Variants in PCDH9 observed in about 807,000 individuals in gnomAD.
PCDH9 encodes the protein protocadherin-9.
Under a neutral mutation model 70.6 loss-of-function variants are expected in PCDH9, and 24 were observed. That is an observed-to-expected ratio of 0.34 (90% CI 0.25 to 0.48). PCDH9 has a LOEUF of 0.48. Ranked by LOEUF, PCDH9 falls within the 20% of genes least tolerant of loss-of-function variation. PCDH9 has a pLI of 0.99. For missense variants in PCDH9, 1,281 were observed against 1,503.6 expected (o/e 0.85, Z 2.45); for synonymous variants, 562 against 558.5 (o/e 1.01, Z -0.09).
In PCDH9 at chr13:67,225,701, T is replaced by G; in HGVS notation, c.2740A>C (p.Ser914Arg). The change falls in exon 2 of 5, where the codon AGT becomes CGT. Residue 914 changes from serine to arginine, a missense_variant. By Grantham distance (110) the Ser-to-Arg change is moderately radical. Coordinates refer to ENST00000377865, the MANE Select transcript of PCDH9 (RefSeq NM_203487.3). ...GGGCCCCAGTCAAATCTTCCTATAC[T>G]TTGCTCCTCCAGTTCAGCCGGCAGG... ...ISLPAELEEQ[S>R]IGRFDWGPAP... 6.2e-7 allele frequency: 1 copy of G among 1,614,178 alleles called. No homozygotes were observed. Among genetic ancestry groups the G allele is most frequent in the Non-Finnish European group, 8.5e-7 (1 of 1,180,014 alleles).
chr13:67,040,628 G>C (rs2085094559), intron 2 of PCDH9, among the ~76,000 whole-genome samples: 1 of 152,054 alleles, frequency 6.6e-6, no homozygotes, highest in African/African-American at 2.4e-5. Flanking sequence ...TCGCTTATAA[G>C]CCACCAAGTT....
chr13:66,869,728 T>C (rs923162148), intron 3 of PCDH9, among the ~76,000 whole-genome samples: 3 of 152,132 alleles, frequency 2.0e-5, no homozygotes, highest in Admixed American at 6.6e-5. Flanking sequence ...CCACTTGAAT[T>C]TGAGAAACCT....
At chr13:66,548,334 G>C (rs867945429) in intron 4 of PCDH9, among the ~76,000 whole-genome samples, 8 of 152,074 alleles carry the variant, frequency 5.3e-5, no homozygotes, top group African/African-American at 1.9e-4. Context: ...GGAGGCCAAG[G>C]CGGGAGGATC....
At chr13:66,567,584 C>A (rs973560617) in intron 4 of PCDH9, among the ~76,000 whole-genome samples, 1 of 152,100 alleles carries the variant, frequency 6.6e-6, no homozygotes, top group African/African-American at 2.4e-5. Flanking sequence ...AATACAGAGA[C>A]CTCTTAAACA....
rs745716060 is a variant in PCDH9 at position 66,954,723 on chromosome 13, C to T, written c.3037-51118G>A. ...CCCTCTCACAGACCAAGAATAGGGG[C>T]CCTTGTCCTAAACTTGCTCTTCCTG... On this transcript the variant is annotated intron_variant, in intron 2 of 4. Transcript: ENST00000377865. 2.6e-5 allele frequency among the ~76,000 whole-genome samples: 4 copies of T among 152,106 alleles called. No individual in the cohort carries two copies. The East Asian group carries it at 7.7e-4, about 29-fold the overall frequency.
At chr13:66,383,318 T>C (rs978583223) in intron 4 of PCDH9, among the ~76,000 whole-genome samples, 1 of 152,200 alleles carries the variant, frequency 6.6e-6, no homozygotes, top group African/African-American at 2.4e-5. Context: ...TAACATTGGT[T>C]TTAAAGAACT....
intron 2 of PCDH9, among the ~76,000 whole-genome samples, chr13:67,008,371 T>C (rs999217321): frequency 6.6e-6 from 1 of 152,148 alleles, no homozygotes; most frequent in Admixed American, 6.6e-5. Context: ...GTACACAATC[T>C]ATAAAACTGT....
At chr13:66,975,134 C>T (rs1429664784) in intron 2 of PCDH9, among the ~76,000 whole-genome samples, 1 of 152,014 alleles carries the variant, frequency 6.6e-6, no homozygotes, top group Non-Finnish European at 1.5e-5. Flanking sequence ...TAGAAAGCAT[C>T]TCTGTCTATC....
chr13:67,094,460 TG>T (rs759257139), intron 2 of PCDH9, among the ~76,000 whole-genome samples: 1 of 152,220 alleles, frequency 6.6e-6, no homozygotes, highest in Non-Finnish European at 1.5e-5. Flanking sequence ...ATATATTCTC[TG>T]CTGTCAATAT....
At chr13:66,934,385 C>CA (rs1349664054) in intron 2 of PCDH9, among the ~76,000 whole-genome samples, 3 of 151,380 alleles carry the variant, frequency 2.0e-5, no homozygotes, top group South Asian at 2.1e-4. Context: ...AGTAAAAACA[C>CA]AAAAAATTAG....
At chr13:66,885,117 C>T (rs963447414) in intron 3 of PCDH9, among the ~76,000 whole-genome samples, 6 of 151,942 alleles carry the variant, frequency 3.9e-5, no homozygotes, top group Non-Finnish European at 5.9e-5. Context: ...TATTTTTTTT[C>T]CTGATTAAGC....
At chr13:67,086,561 C>T (rs1285834591) in intron 2 of PCDH9, among the ~76,000 whole-genome samples, 4 of 152,072 alleles carry the variant, frequency 2.6e-5, no homozygotes, top group Middle Eastern at 3.4e-3. Flanking sequence ...AACCAGGAAA[C>T]GAAGTGATAA....
intron 4 of PCDH9, among the ~76,000 whole-genome samples, chr13:66,531,869 C>T (rs528186704): frequency 1.1e-4 from 17 of 152,274 alleles, no homozygotes; most frequent in Non-Finnish European, 1.6e-4. Context: ...AGATAGGCTA[C>T]ATGCTTGCAT....
At chr13:67,090,765 G>C (rs2086202490) in intron 2 of PCDH9, among the ~76,000 whole-genome samples, 1 of 151,992 alleles carries the variant, frequency 6.6e-6, no homozygotes, top group South Asian at 2.1e-4. Flanking sequence ...GAAAAGGCTT[G>C]AATCAACCAC....
chr13:66,383,198 A>T (rs1252919253), intron 4 of PCDH9, among the ~76,000 whole-genome samples: 4 of 152,218 alleles, frequency 2.6e-5, no homozygotes, highest in East Asian at 3.8e-4. Context: ...TTTATCTAAG[A>T]AAAAGGAGAT....
At chr13:66,993,403 A>C (rs1406536995) in intron 2 of PCDH9, among the ~76,000 whole-genome samples, 1 of 152,172 alleles carries the variant, frequency 6.6e-6, no homozygotes, top group Non-Finnish European at 1.5e-5. Context: ...CAGAAAGCAA[A>C]ATTATTAGTA....
chr13:66,437,111 G>A (rs1957880881), intron 4 of PCDH9, among the ~76,000 whole-genome samples: 1 of 151,148 alleles, frequency 6.6e-6, no homozygotes, highest in South Asian at 2.1e-4. Flanking sequence ...GTTCTACCTT[G>A]TTAAAAACAA....
intron 3 of PCDH9, among the ~76,000 whole-genome samples, chr13:66,713,623 G>GTATATA (rs762817724): frequency 0.051 from 4,736 of 92,646 alleles, 265 homozygotes; most frequent in African/African-American, 0.13. Context: ...GTGTGTGTGT[G>GTATATA]TGTATATATA....
intron 4 of PCDH9, among the ~76,000 whole-genome samples, chr13:66,366,393 C>T (rs201492408): frequency 6.6e-6 from 1 of 151,888 alleles, no homozygotes; most frequent in Non-Finnish European, 1.5e-5. Flanking sequence ...AATATTTTCT[C>T]AAGAATCTGT....
Sources: allele counts gnomAD v4.1 joint callset (sites outside exome capture counted in the v4.1 genomes callset), GRCh38; gene constraint gnomAD v4.1.1; transcripts MANE v1.5; gene names NCBI Gene and HGNC (gene_info 2026-07-23, HGNC 2026-07-21).